The following SMYD3 variants were observed in gnomAD, a reference collection of about 807,000 sequenced individuals.
SMYD3 encodes the protein histone-lysine N-methyltransferase SMYD3.
In SMYD3, 36 loss-of-function variants were observed where a neutral mutation model predicts 57.7. That is an observed-to-expected ratio of 0.62 (90% confidence interval 0.48 to 0.82). The LOEUF (loss-of-function observed/expected upper bound fraction) is 0.82. Among genes scored for constraint, SMYD3 ranks in the 40% least tolerant of loss-of-function variants. The probability of loss-of-function intolerance (pLI) is 0.00; values close to 1 mark genes in which losing one functional copy is unlikely to be tolerated. For missense variants in SMYD3, 515 were observed against 538.8 expected (o/e 0.96, Z 0.44); for synonymous variants, 211 against 195.0 (o/e 1.08, Z -0.68).
At chr1:245,969,668 T>A (rs576559028) in intron 5 of SMYD3, among the ~76,000 whole-genome samples, 51 of 152,346 alleles carry the variant, frequency 3.3e-4, no homozygotes, top group African/African-American at 1.2e-3. Context: ...ATGGTAGCTA[T>A]CAAATCTGCA....
chr1:245,813,302 C>T (rs769202905), intron 10 of SMYD3, among the ~76,000 whole-genome samples: 6 of 152,160 alleles, frequency 3.9e-5, no homozygotes, highest in Admixed American at 6.5e-5. Context: ...CATGAGCCAC[C>T]GCACCAGGCC....
At chr1:246,090,975 A>C (rs1325604069) in intron 5 of SMYD3, among the ~76,000 whole-genome samples, 1 of 152,198 alleles carries the variant, frequency 6.6e-6, no homozygotes, top group Non-Finnish European at 1.5e-5. Flanking sequence ...AAGGTACAGC[A>C]GTCACCGAAA....
chr1:246,068,204 T>C (rs1201845323), intron 5 of SMYD3, among the ~76,000 whole-genome samples: 1 of 151,746 alleles, frequency 6.6e-6, no homozygotes, highest in Non-Finnish European at 1.5e-5. Context: ...AAAAAATCAG[T>C]TCCAGATGAT....
intron 10 of SMYD3, among the ~76,000 whole-genome samples, chr1:245,785,751 T>C (rs1252168512): frequency 1.3e-5 from 2 of 152,092 alleles, no homozygotes; most frequent in East Asian, 3.9e-4. Flanking sequence ...CCGGCTGCAG[T>C]GTAGTGCTGT....
intron 5 of SMYD3, among the ~76,000 whole-genome samples, chr1:246,017,401 T>C (rs1206543533): frequency 6.6e-6 from 1 of 152,170 alleles, no homozygotes; most frequent in African/African-American, 2.4e-5. Context: ...CCATGATCCT[T>C]TTCACAGCAA....
At chr1:246,418,530 C>A (rs1274611427) in intron 1 of SMYD3, among the ~76,000 whole-genome samples, 1 of 152,150 alleles carries the variant, frequency 6.6e-6, no homozygotes, top group East Asian at 1.9e-4. Context: ...CAATTAGACC[C>A]CCTTCCTTAT....
chr1:246,210,111 T>C (rs534097095), intron 5 of SMYD3, among the ~76,000 whole-genome samples: 1 of 152,272 alleles, frequency 6.6e-6, no homozygotes, highest in East Asian at 1.9e-4. Context: ...TAACAGGACA[T>C]ATTCCAGAGG....
intron 5 of SMYD3, among the ~76,000 whole-genome samples, chr1:246,014,106 T>C (rs1397764570): frequency 1.3e-5 from 2 of 152,190 alleles, no homozygotes; most frequent in African/African-American, 4.8e-5. Context: ...GGGCGGATCA[T>C]GAGGTCGGGT....
rs568509404 is a variant in SMYD3 at position 245,773,213 on chromosome 1, A to G, written c.1077-9064T>C. On this transcript the variant is annotated intron_variant, in intron 10 of 11. Transcript: ENST00000490107. ...GCTACATTTGCCTGTTTCTTTTAAAATACAAGGGGCTTGGGCAGCAACACA... is the reference window on the plus strand; with the variant it reads ...GCTACATTTGCCTGTTTCTTTTAAAGTACAAGGGGCTTGGGCAGCAACACA... Among the ~76,000 whole-genome samples the G allele has an allele frequency of 3.9e-5, 6 of 152,306 alleles. No individual in the cohort carries two copies. The South Asian group carries it at 1.2e-3, about 32-fold the overall frequency.
At chr1:245,887,666 T>A (rs1388393870) in intron 8 of SMYD3, among the ~76,000 whole-genome samples, 1 of 152,196 alleles carries the variant, frequency 6.6e-6, no homozygotes, top group Admixed American at 6.5e-5. Flanking sequence ...GGGATTTTTT[T>A]TCTCTTTCAT....
intron 5 of SMYD3, among the ~76,000 whole-genome samples, chr1:246,157,948 AT>A (rs2062048893): frequency 6.6e-6 from 1 of 152,208 alleles, no homozygotes; most frequent in Admixed American, 6.5e-5. Context: ...AGATGCTTAA[AT>A]TATTCTAATT....
At chr1:246,048,795 T>C (rs2185072) in intron 5 of SMYD3, among the ~76,000 whole-genome samples, 78,685 of 151,690 alleles carry the variant, frequency 0.52, 23,358 homozygotes, top group East Asian at 0.96. Flanking sequence ...AAAAAAAGTG[T>C]TCTTAAAATC....
intron 1 of SMYD3, among the ~76,000 whole-genome samples, chr1:246,425,203 G>T (rs1316046915): frequency 6.6e-6 from 1 of 152,124 alleles, no homozygotes; most frequent in South Asian, 2.1e-4. Context: ...AGCACATGCG[G>T]TGAGTGGTAG....
chr1:245,858,677 T>C lies in SMYD3; in HGVS notation c.902-7A>G, dbSNP rs1354096893. The C allele has an allele frequency of 3.7e-6, 6 of 1,610,456 alleles. No individual in the cohort carries two copies. In the South Asian group the frequency reaches 6.6e-5, roughly 18 times the overall value. Reference sequence around the variant, plus strand: ...GCCAGAACCTGCTCCCACTCTGTTATTAACCTTAGTTAAGGATTCATTGTC... The same window carrying C: ...GCCAGAACCTGCTCCCACTCTGTTACTAACCTTAGTTAAGGATTCATTGTC... On this transcript the variant is annotated splice_polypyrimidine_tract_variant and splice_region_variant and intron_variant, in intron 9 of 11. Coordinates refer to ENST00000490107, the MANE Select transcript of SMYD3 (RefSeq NM_001167740.2).
chr1:245,810,095 G>A (rs1337584843), intron 10 of SMYD3, among the ~76,000 whole-genome samples: 3 of 152,188 alleles, frequency 2.0e-5, no homozygotes, highest in African/African-American at 7.2e-5. Context: ...AGTTCTTCCT[G>A]CTGCCTGGGC....
At position 245,749,420 on chromosome 1, in the gene SMYD3, A is replaced by T; in HGVS notation, c.*143T>A. ...TAATGATTCTTGTGGTTTGCAAACC[A>T]TGTCTGCCTTTATTTACCTACACAA... On this transcript the variant is annotated 3_prime_UTR_variant, in exon 12 of 12. Transcript: ENST00000490107. 1 of 595,760 alleles carries T rather than the reference A, an allele frequency of 1.7e-6. No homozygotes were observed. The highest frequency in any genetic ancestry group is 2.9e-6 in the Non-Finnish European group (1 of 340,786). 36.9% of individuals were successfully genotyped at this position (595,760 alleles called of 1,614,324 possible). A position where few individuals can be genotyped will look rare whatever the true frequency, so the allele number is the denominator to read the frequency against.
At chr1:246,059,212 A>C (rs745808848) in intron 5 of SMYD3, among the ~76,000 whole-genome samples, 21 of 152,156 alleles carry the variant, frequency 1.4e-4, no homozygotes, top group Non-Finnish European at 1.9e-4. Flanking sequence ...CAAATTCACC[A>C]GCGGTAAAAG....
At chr1:246,412,629 C>G (rs1160215216) in intron 1 of SMYD3, among the ~76,000 whole-genome samples, 3 of 151,722 alleles carry the variant, frequency 2.0e-5, no homozygotes, top group Non-Finnish European at 4.4e-5. Flanking sequence ...GCAGCCGAGG[C>G]AGGCGGATCA....
At chr1:246,377,892 T>A (rs966840661) in intron 1 of SMYD3, among the ~76,000 whole-genome samples, 1 of 152,208 alleles carries the variant, frequency 6.6e-6, no homozygotes, top group Non-Finnish European at 1.5e-5. Context: ...CACAGCCATA[T>A]AATGAGAGTT....
Sources: allele counts gnomAD v4.1 joint callset (sites outside exome capture counted in the v4.1 genomes callset), GRCh38; gene constraint gnomAD v4.1.1; transcripts MANE v1.5; gene names NCBI Gene and HGNC (gene_info 2026-07-23, HGNC 2026-07-21).